RPSA2: variants seen among roughly 807,000 people sequenced by gnomAD.
RPSA2 encodes the protein small ribosomal subunit protein uS2B.
chr19:23,828,936 G>GACACACACAC, the RPSA2 span, among the ~76,000 whole-genome samples: 429 of 148,370 alleles, frequency 2.9e-3, 3 homozygotes, highest in East Asian at 0.027. Flanking sequence ...CCTAATGTGA[G>GACACACACAC]ACACACACAC....
chr19:23,789,712 CT>C, the RPSA2 span, among the ~76,000 whole-genome samples: 333 of 144,462 alleles, frequency 2.3e-3, no homozygotes, highest in Middle Eastern at 3.6e-3. Context: ...TATTGTGTTA[CT>C]TTTTTTTTTT....
At chr19:23,855,654 G>A in the RPSA2 span, among the ~76,000 whole-genome samples, 12 of 152,132 alleles carry the variant, frequency 7.9e-5, no homozygotes, top group Admixed American at 1.3e-4. Flanking sequence ...AGTCAGACTG[G>A]TATGAGAGTG....
chr19:23,777,786 C>T, the RPSA2 span, among the ~76,000 whole-genome samples: 1 of 152,154 alleles, frequency 6.6e-6, no homozygotes, highest in Non-Finnish European at 1.5e-5. Flanking sequence ...AACTCTACCA[C>T]CTGTGCCCTG....
the RPSA2 span, among the ~76,000 whole-genome samples, chr19:23,760,932 A>C: frequency 2.6e-5 from 4 of 151,314 alleles, no homozygotes; most frequent in East Asian, 7.8e-4. Context: ...CCCAAAATGC[A>C]GGGATTACAG....
the RPSA2 span, among the ~76,000 whole-genome samples, chr19:23,779,897 G>C: frequency 1.1e-4 from 17 of 152,244 alleles, no homozygotes; most frequent in East Asian, 2.7e-3. Flanking sequence ...CACTGGTTGA[G>C]AACCCAGATG....
the RPSA2 span, among the ~76,000 whole-genome samples, chr19:23,823,284 C>T: frequency 6.6e-6 from 1 of 152,112 alleles, no homozygotes; most frequent in Non-Finnish European, 1.5e-5. Context: ...CACATTCATT[C>T]TTCCTTTTGA....
At chr19:23,765,116 C>T in the RPSA2 span, among the ~76,000 whole-genome samples, 1 of 152,148 alleles carries the variant, frequency 6.6e-6, no homozygotes, top group African/African-American at 2.4e-5. Flanking sequence ...TCCTTGTATA[C>T]TATTTGTCTA....
the RPSA2 span, among the ~76,000 whole-genome samples, chr19:23,797,312 C>T: frequency 8.6e-5 from 13 of 151,932 alleles, no homozygotes; most frequent in African/African-American, 3.1e-4. Flanking sequence ...GTTTCACCAT[C>T]TTGGCCAGGC....
the RPSA2 span, among the ~76,000 whole-genome samples, chr19:23,767,102 G>A: frequency 1.8e-3 from 270 of 151,936 alleles, 1 homozygote; most frequent in African/African-American, 6.0e-3. Context: ...GTGCCACCAC[G>A]CCCAGCTAAT....
the RPSA2 span, among the ~76,000 whole-genome samples, chr19:23,825,297 T>G: frequency 6.6e-6 from 1 of 152,236 alleles, no homozygotes; most frequent in African/African-American, 2.4e-5. Flanking sequence ...TATAGATTTT[T>G]GTGTTATATA....
At chr19:23,801,390 C>T in the RPSA2 span, among the ~76,000 whole-genome samples, 2 of 152,130 alleles carry the variant, frequency 1.3e-5, no homozygotes, top group Admixed American at 6.5e-5. Flanking sequence ...AGGCATGTGC[C>T]ATCACACCTG....
chr19:23,806,046 TC>T, the RPSA2 span, among the ~76,000 whole-genome samples: 7 of 47,836 alleles, frequency 1.5e-4, no homozygotes, highest in African/African-American at 2.2e-4. Flanking sequence ...CTTCTTTCTT[TC>T]TTTTTTTTTT....
At chr19:23,770,903 A>G in the RPSA2 span, among the ~76,000 whole-genome samples, 1 of 152,156 alleles carries the variant, frequency 6.6e-6, no homozygotes, top group Non-Finnish European at 1.5e-5. Context: ...GTCAATACCT[A>G]TTCACTGGTG....
the RPSA2 span, chr19:23,790,753 A>T: frequency 2.1e-6 from 1 of 468,682 alleles, no homozygotes; most frequent in Non-Finnish European, 4.0e-6. Context: ...AGACGCCAGG[A>T]CCCGCTGAAA....
At chr19:23,779,300 A>G in the RPSA2 span, among the ~76,000 whole-genome samples, 1 of 152,138 alleles carries the variant, frequency 6.6e-6, no homozygotes, top group East Asian at 1.9e-4. Context: ...GCGCCCGGCC[A>G]TGACACATTT....
chr19:23,867,694 G>T, the RPSA2 span, among the ~76,000 whole-genome samples: 1 of 152,112 alleles, frequency 6.6e-6, no homozygotes, highest in East Asian at 1.9e-4. Flanking sequence ...GCCGGGCGTG[G>T]TGGCGGGCGC....
At chr19:23,870,957 C>T in the RPSA2 span, among the ~76,000 whole-genome samples, 1 of 152,282 alleles carries the variant, frequency 6.6e-6, no homozygotes, top group African/African-American at 2.4e-5. Context: ...CTCCCTGGTG[C>T]TGTGCTCCTT....
the RPSA2 span, among the ~76,000 whole-genome samples, chr19:23,762,395 G>T: frequency 2.0e-5 from 3 of 151,846 alleles, no homozygotes; most frequent in African/African-American, 4.8e-5. Flanking sequence ...GTCCAAATGG[G>T]CAGGGCGCGG....
At chr19:23,854,127 C>A in the RPSA2 span, among the ~76,000 whole-genome samples, 1 of 152,054 alleles carries the variant, frequency 6.6e-6, no homozygotes, top group Non-Finnish European at 1.5e-5. Context: ...GACTCACTGA[C>A]TGGAATGGAA....
Sources: allele counts gnomAD v4.1 joint callset (sites outside exome capture counted in the v4.1 genomes callset), GRCh38; gene constraint gnomAD v4.1.1; transcripts MANE v1.5; gene names NCBI Gene and HGNC (gene_info 2026-07-23, HGNC 2026-07-21).